MTHFD1: variants seen among roughly 807,000 people sequenced by gnomAD.
MTHFD1 encodes methylenetetrahydrofolate dehydrogenase, cyclohydrolase and formyltetrahydrofolate synthetase 1.
MTHFD1 carries 44 observed loss-of-function variants against 110.3 expected under a neutral mutation model. The observed-to-expected ratio is 0.40, with a 90% confidence interval of 0.31 to 0.51. The LOEUF (loss-of-function observed/expected upper bound fraction) is 0.51. Ranked by LOEUF, MTHFD1 falls within the 20% of genes least tolerant of loss-of-function variation. MTHFD1 has a pLI of 0.60. For synonymous variants in MTHFD1, 402 were observed against 428.8 expected, an observed-to-expected ratio of 0.94 and a Z score of 0.77; for missense variants, 909 against 1,173.1, an observed-to-expected ratio of 0.77 and a Z score of 3.29.
chr14:64,424,977 G>A (rs372995319), intron 9 of MTHFD1, 46 bp downstream of exon 9: 12 of 1,611,724 alleles, frequency 7.4e-6, no homozygotes, highest in South Asian at 4.4e-5. Flanking sequence ...AAAGCTGATC[G>A]AGTTTTGGCT....
chr14:64,388,481 C>T lies in MTHFD1; in HGVS notation c.41+13C>T. 1 of 1,612,478 alleles carries T rather than the reference C, an allele frequency of 6.2e-7. No homozygotes were observed. The highest frequency in any genetic ancestry group is 8.5e-7 in the Non-Finnish European group (1 of 1,179,170). ...AGGAGATCTCCGCGTAAGCACCTGA[C>T]ATTGTTGTTGAGTGTGGGGCTGTGG... On this transcript the variant is annotated intron_variant, in intron 1 of 27. Transcript: ENST00000652337.
In MTHFD1 at chr14:64,415,417, G is replaced by A. The variant is rs764276556; in HGVS notation, c.300G>A (p.Gln100=). The A allele has an allele frequency of 4.3e-6, 7 of 1,613,338 alleles. No individual in the cohort carries two copies. In the South Asian group the frequency reaches 7.7e-5, roughly 18 times the overall value. Residue 100 remains glutamine (Q), a synonymous_variant, in exon 5 of 28, where the codon CAG becomes CAA. Coordinates refer to ENST00000652337, the MANE Select transcript of MTHFD1 (RefSeq NM_005956.4). Reference sequence around the variant, plus strand: ...CTACTGTACATGGGTTCTTAGTGCAGCTACCTTTAGATTCAGAGAATTCCA... The same window carrying A: ...CTACTGTACATGGGTTCTTAGTGCAACTACCTTTAGATTCAGAGAATTCCA... ...EDSTVHGFLV[Q]LPLDSENSIN...
rs180870343 is a variant in MTHFD1, at chr14:64,443,189, G to A, written c.2136+787G>A. Among the ~76,000 whole-genome samples the A allele has an allele frequency of 7.2e-4, 110 of 152,296 alleles. No homozygotes were observed. The East Asian group carries it at 9.8e-3, about 14-fold the overall frequency. On this transcript the variant is annotated intron_variant, in intron 21 of 27. Coordinates refer to ENST00000652337, the MANE Select transcript of MTHFD1 (RefSeq NM_005956.4). ...GTTTGTCCTAATGTAGCAGTTCTCT[G>A]TTTTGGCCTCAGAACCTCTTTACAC...
At chr14:64,388,707 A>G (rs35020344) in intron 1 of MTHFD1, 263,577 of 590,710 alleles carry the variant, frequency 0.45, 63,384 homozygotes, top group Non-Finnish European at 0.49. Context: ...TGTGCCGACT[A>G]TGCTCCCAAA....
chr14:64,433,473 C>T (rs865898797), intron 15 of MTHFD1, among the ~76,000 whole-genome samples: 11 of 151,970 alleles, frequency 7.2e-5, no homozygotes, highest in Non-Finnish European at 1.2e-4. Context: ...GCTGGAGTGC[C>T]GTGGTGCAAT....
At chr14:64,459,141 G>C (rs191810042) in intron 27 of MTHFD1, among the ~76,000 whole-genome samples, 2 of 152,284 alleles carry the variant, frequency 1.3e-5, no homozygotes, top group Admixed American at 6.5e-5. Flanking sequence ...GAATCTATCT[G>C]GATATTTTCA....
In MTHFD1 at chr14:64,426,109, T is replaced by C; in HGVS notation, c.1044T>C (p.Tyr348=). The change falls in exon 11 of 28, where the codon TAT becomes TAC. Residue 348 remains tyrosine (Y), a synonymous_variant. Transcript: ENST00000652337. Reference sequence around the variant, plus strand: ...TGCTGTCTGAAGAGGTAGAATTATATGGTGAAACAAAGGCCAAAGTTCTGC... The same window carrying C: ...TGCTGTCTGAAGAGGTAGAATTATACGGTGAAACAAAGGCCAAAGTTCTGC... ...IGLLSEEVEL[Y]GETKAKVLLS... The C allele has an allele frequency of 6.2e-7, 1 of 1,614,154 alleles. No homozygotes were observed. The highest frequency in any genetic ancestry group is 1.7e-4 in the Middle Eastern group (1 of 6,018).
chr14:64,404,764 A>G (rs990594989), intron 2 of MTHFD1, among the ~76,000 whole-genome samples: 3 of 152,152 alleles, frequency 2.0e-5, no homozygotes, highest in African/African-American at 7.2e-5. Context: ...TAAGGTCAGG[A>G]GTTTGAGACT....
At chr14:64,433,708 C>A (rs2078180312) in intron 15 of MTHFD1, among the ~76,000 whole-genome samples, 2 of 145,840 alleles carry the variant, frequency 1.4e-5, no homozygotes, top group African/African-American at 5.3e-5. Flanking sequence ...AACCACTGAG[C>A]TCAGCATTTT....
At chr14:64,458,566 T>C (rs999142080) in intron 27 of MTHFD1, 38 of 499,668 alleles carry the variant, frequency 7.6e-5, no homozygotes, top group African/African-American at 6.6e-4. Flanking sequence ...AAAACTGCTG[T>C]CCAATAAACT....
chr14:64,428,102 G>GTTTTTTTTTTTTTTTTTTTTTTTTTTTTT, intron 12 of MTHFD1, among the ~76,000 whole-genome samples: 1 of 74,686 alleles, frequency 1.3e-5, no homozygotes, highest in Non-Finnish European at 2.5e-5. Context: ...AAGAACATGT[G>GTTTTTTTTTTTTTTTTTTTTTTTTTTTTT]TTTTTTTTTT....
rs956061356 is a variant in MTHFD1 at position 64,419,505 on chromosome 14, T to C, written c.616-309T>C. Among the ~76,000 whole-genome samples the C allele has an allele frequency of 1.3e-5, 2 of 152,250 alleles. 1 individual carries two copies. Among genetic ancestry groups the C allele is most frequent in the Non-Finnish European group, 2.9e-5 (2 of 68,048 alleles). ...ATTCTGTAGGAGAAGGAGCAGTGTC[T>C]GGACATAACACGCAGGGCCCCAAGC... On this transcript the variant is annotated intron_variant, in intron 7 of 27. Coordinates refer to ENST00000652337, the MANE Select transcript of MTHFD1 (RefSeq NM_005956.4).
intron 4 of MTHFD1, among the ~76,000 whole-genome samples, chr14:64,412,930 G>C (rs943014600): frequency 6.7e-6 from 1 of 149,526 alleles, no homozygotes; most frequent in Non-Finnish European, 1.5e-5. Context: ...GAGCCACCAC[G>C]CCTGGCACCT....
rs1439484972 is a variant in MTHFD1, at chr14:64,444,809, T to C, written c.2178+75T>C. On this transcript the variant is annotated intron_variant, in intron 22 of 27. Transcript: ENST00000652337. ...AATCAGCATTTCTCCACCTGGCCCA[T>C]GTGGAAATGAATGGGTTATTGCTGT... The C allele has an allele frequency of 5.3e-6, 8 of 1,518,348 alleles. No individual in the cohort carries two copies. The South Asian group carries it at 7.9e-5, about 15-fold the overall frequency. The allele number at this position is 1,518,348 out of a possible 1,614,324, so 94.1% of individuals were successfully genotyped here.
In MTHFD1 at chr14:64,419,808, C is replaced by T. The variant is rs768513824; in HGVS notation, c.616-6C>T. On this transcript the variant is annotated splice_region_variant and splice_polypyrimidine_tract_variant and intron_variant, in intron 7 of 27. Coordinates refer to ENST00000652337, the MANE Select transcript of MTHFD1 (RefSeq NM_005956.4). ...CATTTCTGATGTCCAAATCCCCTAC[C>T]CCTAGGTAAATAAAGGTGACATCCT... 6.3e-7 allele frequency: 1 copy of T among 1,597,604 alleles called. No homozygotes were observed. The highest frequency in any genetic ancestry group is 8.6e-7 in the Non-Finnish European group (1 of 1,165,080).
chr14:64,401,301 T>C (rs12880360), intron 2 of MTHFD1, among the ~76,000 whole-genome samples: 50,663 of 152,100 alleles, frequency 0.33, 9,735 homozygotes, highest in South Asian at 0.52. Flanking sequence ...GCATGGGTAT[T>C]ACAGGCGTGA....
chr14:64,410,825 C>T (rs1344330926), intron 2 of MTHFD1, among the ~76,000 whole-genome samples: 1 of 152,110 alleles, frequency 6.6e-6, no homozygotes, highest in East Asian at 1.9e-4. Context: ...GCTTAGTTTC[C>T]AGTGCAGATG....
At chr14:64,438,127 C>T (rs919504383) in intron 16 of MTHFD1, among the ~76,000 whole-genome samples, 1 of 152,142 alleles carries the variant, frequency 6.6e-6, no homozygotes, top group Non-Finnish European at 1.5e-5. Context: ...CCCACCTTGG[C>T]CCCCCAAAGT....
intron 2 of MTHFD1, among the ~76,000 whole-genome samples, 195 bp downstream of exon 2, chr14:64,401,072 T>A (rs1387352746): frequency 6.6e-6 from 1 of 152,174 alleles, no homozygotes; most frequent in Non-Finnish European, 1.5e-5. Flanking sequence ...CTCTTCTCTG[T>A]GGATACCCTT....
Sources: allele counts gnomAD v4.1 joint callset (sites outside exome capture counted in the v4.1 genomes callset), GRCh38; gene constraint gnomAD v4.1.1; transcripts MANE v1.5; gene names NCBI Gene and HGNC (gene_info 2026-07-23, HGNC 2026-07-21).